The following MYL12B variants were observed in gnomAD, a reference collection of about 807,000 sequenced individuals.
MYL12B encodes myosin light chain 12B.
Under a neutral mutation model 12.9 loss-of-function variants are expected in MYL12B, and 3 were observed. The ratio of observed to expected loss-of-function variants is 0.23; its 90% confidence interval spans 0.11 to 0.60. The LOEUF (loss-of-function observed/expected upper bound fraction) is 0.60, where lower values mean the gene tolerates loss of function less well. Ranked by LOEUF, MYL12B falls within the 20% of genes least tolerant of loss-of-function variation. The pLI, the probability that MYL12B is intolerant of heterozygous loss-of-function variation, is 0.89. For missense variants in MYL12B, 120 were observed against 215.4 expected (o/e 0.56, Z 2.77); for synonymous variants, 57 against 71.9 (o/e 0.79, Z 1.05).
At chr18:3,268,620 G>GT (rs2081653064) in intron 1 of MYL12B, among the ~76,000 whole-genome samples, 1 of 151,354 alleles carries the variant, frequency 6.6e-6, no homozygotes, top group Non-Finnish European at 1.5e-5. Flanking sequence ...TGAAAACTCA[G>GT]TTTGTCTAGG....
intron 3 of MYL12B, 127 bp downstream of exon 3, chr18:3,277,541 T>G: frequency 7.0e-7 from 1 of 1,429,788 alleles, no homozygotes; most frequent in Non-Finnish European, 9.3e-7. Context: ...AAGCATATGA[T>G]CTGTTTCTGA....
chr18:3,265,123 A>G (rs148950709), intron 1 of MYL12B, among the ~76,000 whole-genome samples: 2,235 of 152,168 alleles, frequency 0.015, 31 homozygotes, highest in Middle Eastern at 0.061. Flanking sequence ...CCCTGGTGTT[A>G]AAAAAAGTTG....
intron 1 of MYL12B, among the ~76,000 whole-genome samples, chr18:3,270,469 G>A (rs2081668968): frequency 1.3e-5 from 2 of 152,090 alleles, no homozygotes; most frequent in Admixed American, 1.3e-4. Context: ...CCATCAGATG[G>A]TGATGGCTCT....
intron 1 of MYL12B, among the ~76,000 whole-genome samples, chr18:3,266,235 G>T (rs897895770): frequency 1.3e-5 from 2 of 152,162 alleles, no homozygotes; most frequent in Non-Finnish European, 2.9e-5. Flanking sequence ...GATGGCTGAC[G>T]CATAGCCGAC....
chr18:3,277,446 T>C (rs756541698), intron 3 of MYL12B, 32 bp downstream of exon 3: 12 of 1,610,124 alleles, frequency 7.5e-6, no homozygotes, highest in Non-Finnish European at 9.3e-6. Context: ...CCAGCCTCAT[T>C]CCACACTATA....
At chr18:3,276,444 TA>T in intron 2 of MYL12B, 1 of 984,754 alleles carries the variant, frequency 1.0e-6, no homozygotes, top group Non-Finnish European at 1.2e-6. Flanking sequence ...ACCACTGCAC[TA>T]AAAGAAGTGT....
At chr18:3,266,076 C>G (rs2144353209) in intron 1 of MYL12B, among the ~76,000 whole-genome samples, 1 of 152,212 alleles carries the variant, frequency 6.6e-6, no homozygotes, top group East Asian at 1.9e-4. Flanking sequence ...TGGTGTATAA[C>G]AGAATACTCC....
chr18:3,275,045 C>T (rs1000145143), intron 2 of MYL12B, among the ~76,000 whole-genome samples: 3 of 152,174 alleles, frequency 2.0e-5, no homozygotes, highest in Admixed American at 2.0e-4. Context: ...CTATTCACAG[C>T]AGCCATGATT....
At chr18:3,267,215 G>C (rs777639561) in intron 1 of MYL12B, among the ~76,000 whole-genome samples, 6 of 152,136 alleles carry the variant, frequency 3.9e-5, no homozygotes, top group African/African-American at 1.4e-4. Flanking sequence ...CTGATGTGCA[G>C]CCAAGATTGA....
At chr18:3,263,602 G>C (rs1598804505) in intron 1 of MYL12B, among the ~76,000 whole-genome samples, 1 of 152,236 alleles carries the variant, frequency 6.6e-6, no homozygotes, top group South Asian at 2.1e-4. Context: ...AGAGTTGCTA[G>C]GGTTAGGAAA....
intron 1 of MYL12B, among the ~76,000 whole-genome samples, chr18:3,266,038 G>A (rs1198748807): frequency 2.6e-5 from 4 of 152,196 alleles, no homozygotes; most frequent in Non-Finnish European, 5.9e-5. Context: ...AAGAGGTCAA[G>A]GAGACAGTGG....
chr18:3,278,106 C>G lies in MYL12B; in HGVS notation c.*169C>G. 1.4e-6 allele frequency: 1 copy of G among 718,568 alleles called. No individual in the cohort carries two copies. Among genetic ancestry groups the G allele is most frequent in the Non-Finnish European group, 2.1e-6 (1 of 465,262 alleles). 44.5% of individuals were successfully genotyped at this position (718,568 alleles called of 1,614,324 possible). On this transcript the variant is annotated 3_prime_UTR_variant, in exon 4 of 4. Transcript: ENST00000237500. ...TTCTGCCACTTAGCACTTGTATAAT[C>G]AGACTGGAAATGGGGATGAGGGTGT...
At chr18:3,275,832 C>A (rs919145647) in intron 2 of MYL12B, among the ~76,000 whole-genome samples, 4 of 152,128 alleles carry the variant, frequency 2.6e-5, no homozygotes, top group Admixed American at 2.0e-4. Flanking sequence ...AAAAGTAGAT[C>A]TTTTTAGCTA....
In MYL12B at chr18:3,277,412, C is replaced by G; in HGVS notation, c.344C>G (p.Thr115Arg). 6.2e-7 allele frequency: 1 copy of G among 1,613,890 alleles called. No homozygotes were observed. Among genetic ancestry groups the G allele is most frequent in the Non-Finnish European group, 8.5e-7 (1 of 1,179,890 alleles). The change falls in exon 3 of 4, where the codon ACA (threonine) becomes AGA (arginine). Residue 115 changes from threonine (T) to arginine (R), a missense_variant and splice_region_variant. By Grantham distance (71) the Thr-to-Arg change is moderately conservative. Transcript: ENST00000237500. ...NAFACFDEEATGTIQEDYLRE... is the reference protein window; with the variant it reads ...NAFACFDEEARGTIQEDYLRE... ...TTTGCTTGCTTTGATGAAGAAGCAA[C>G]AGGTGAGTGCTATTTGTTTATGCCC...
At chr18:3,267,413 TTAATG>T in intron 1 of MYL12B, among the ~76,000 whole-genome samples, 1 of 152,232 alleles carries the variant, frequency 6.6e-6, no homozygotes, top group Non-Finnish European at 1.5e-5. Flanking sequence ...TTTCTGCTTA[TTAATG>T]ATGATGGTGT....
Position 3,278,010 on chromosome 18 carries a change from C to G in MYL12B, c.*73C>G, listed in dbSNP as rs1290773519. The G allele has an allele frequency of 6.5e-7, 1 of 1,537,052 alleles. No homozygotes were observed. The highest frequency in any genetic ancestry group is 8.8e-7 in the Non-Finnish European group (1 of 1,137,092). ...ACTTCTCAGACACTTCCCCCACCCT[C>G]ATAGAACCTGTTGCATGCAACTTAG... is the stretch of plus-strand genomic sequence containing the variant. On this transcript the variant is annotated 3_prime_UTR_variant, in exon 4 of 4. Coordinates refer to ENST00000237500, the MANE Select transcript of MYL12B (RefSeq NM_033546.4).
chr18:3,269,868 G>A (rs1239418430), intron 1 of MYL12B, among the ~76,000 whole-genome samples: 3 of 152,212 alleles, frequency 2.0e-5, no homozygotes, highest in Admixed American at 6.5e-5. Flanking sequence ...TACATAATCA[G>A]TCTTTCCAAT....
chr18:3,262,186 T>C lies in MYL12B; in HGVS notation c.-67T>C, dbSNP rs568423893. The stretch of plus-strand genomic sequence containing the variant: ...CCGGCCACAGCCTAACGCTCTTCGC[T>C]GTCGTTTGTGGTCTCGCGCAGGGCG... On this transcript the variant is annotated 5_prime_UTR_variant, in exon 1 of 4. Transcript: ENST00000237500. 4 of 152,170 alleles carry C rather than the reference T, an allele frequency of 2.6e-5. No individual in the cohort carries two copies. Among genetic ancestry groups the C allele is most frequent in the Non-Finnish European group, 4.4e-5 (3 of 68,006 alleles). 9.4% of individuals were successfully genotyped at this position (152,170 alleles called of 1,614,324 possible). A position where few individuals can be genotyped will look rare whatever the true frequency, so the allele number is the denominator to read the frequency against.
At chr18:3,264,604 C>T (rs570499069) in intron 1 of MYL12B, among the ~76,000 whole-genome samples, 1 of 152,040 alleles carries the variant, frequency 6.6e-6, no homozygotes, top group Non-Finnish European at 1.5e-5. Flanking sequence ...CCCAGCTGCT[C>T]GAGGCTGAGT....
Sources: allele counts gnomAD v4.1 joint callset (sites outside exome capture counted in the v4.1 genomes callset), GRCh38; gene constraint gnomAD v4.1.1; transcripts MANE v1.5; gene names NCBI Gene and HGNC (gene_info 2026-07-23, HGNC 2026-07-21).